The following CCDC178 variants were observed in gnomAD, a reference collection of about 807,000 sequenced individuals.
CCDC178 encodes the protein coiled-coil domain-containing protein 178.
Under a neutral mutation model 117.4 loss-of-function variants are expected in CCDC178, and 126 were observed. The observed-to-expected ratio is 1.07, with a 90% CI of 0.93 to 1.24. The LOEUF (loss-of-function observed/expected upper bound fraction) is 1.24, where lower values mean the gene tolerates loss of function less well. CCDC178 is among the 50% of genes most tolerant of loss of function. The pLI is 0.00. For synonymous variants in CCDC178, 283 were observed against 313.4 expected, an observed-to-expected ratio of 0.90 and a Z score of 1.02; for missense variants, 1,030 against 986.9, an observed-to-expected ratio of 1.04 and a Z score of -0.59.
intron 20 of CCDC178, among the ~76,000 whole-genome samples, chr18:33,118,917 G>C (rs2057896879): frequency 6.6e-6 from 1 of 152,068 alleles, no homozygotes; most frequent in African/African-American, 2.4e-5. Context: ...TGACAAACCT[G>C]ACAAAAACAA....
In CCDC178 at chr18:33,395,912, A is replaced by C. The variant is rs148149552; in HGVS notation, c.118+1237T>G. ...GAAGATGAATTGGACGAATATCTGC[A>C]TGACCTTGGACTAGGATTTCCTTGA... On this transcript the variant is annotated intron_variant, in intron 4 of 22. Coordinates refer to ENST00000383096, the MANE Select transcript of CCDC178 (RefSeq NM_001105528.4). Among the ~76,000 whole-genome samples the C allele has an allele frequency of 3.3e-3, 495 of 152,266 alleles. 7 individuals carry two copies. In the South Asian group the frequency reaches 0.047, roughly 14 times the overall value.
intron 20 of CCDC178, among the ~76,000 whole-genome samples, chr18:33,162,198 G>A (rs1487163246): frequency 6.6e-6 from 1 of 152,118 alleles, no homozygotes; most frequent in Non-Finnish European, 1.5e-5. Flanking sequence ...GAGGGGAGAG[G>A]GGAGGGATAG....
At position 32,938,088 on chromosome 18, in the gene CCDC178, C is replaced by T; in HGVS notation, c.2527G>A (p.Glu843Lys). Residue 843 changes from glutamate to lysine, a missense_variant, in exon 23 of 23, where the codon GAA (glutamate) becomes AAA (lysine). Glu to Lys is a moderately conservative substitution (Grantham distance 56). Coordinates refer to ENST00000383096, the MANE Select transcript of CCDC178 (RefSeq NM_001105528.4). Reference sequence around the variant, plus strand: ...ATGTGTTGCATTAAATTTGAAGATTCCTCCTGTTCAGAAGCAAGAAACAAA... The same window carrying T: ...ATGTGTTGCATTAAATTTGAAGATTTCTCCTGTTCAGAAGCAAGAAACAAA... Reference protein sequence around the residue: ...SIQKILAVQEESSNLMQHILG... With the variant: ...SIQKILAVQEKSSNLMQHILG... The T allele has an allele frequency of 1.9e-6, 3 of 1,611,406 alleles. No homozygotes were observed. The highest frequency in any genetic ancestry group is 2.5e-6 in the Non-Finnish European group (3 of 1,177,692).
rs566792249 is a variant in CCDC178, at chr18:33,203,465, A to G, written c.2238+8431T>C. Among the ~76,000 whole-genome samples the G allele has an allele frequency of 3.9e-5, 6 of 152,296 alleles. 1 individual carries two copies. The South Asian group carries it at 1.2e-3, about 32-fold the overall frequency. ...TATTGATATGCCTAGTAACTCGTTC[A>G]CAAGCCAAGATAATTTACATAGTCA... is the stretch of plus-strand genomic sequence containing the variant. On this transcript the variant is annotated intron_variant, in intron 20 of 22. Transcript: ENST00000383096.
At chr18:33,304,139 G>A (rs568312314) in intron 11 of CCDC178, among the ~76,000 whole-genome samples, 15 of 152,312 alleles carry the variant, frequency 9.8e-5, no homozygotes, top group Admixed American at 9.1e-4. Context: ...TGCATAAAAA[G>A]TATAACCAAA....
intron 21 of CCDC178, among the ~76,000 whole-genome samples, chr18:33,004,555 A>G (rs79663894): frequency 0.024 from 3,614 of 152,142 alleles, 58 homozygotes; most frequent in Admixed American, 0.037. Context: ...AGGACACTGG[A>G]CTGAAGATTT....
intron 21 of CCDC178, among the ~76,000 whole-genome samples, chr18:33,046,430 A>G (rs1472165667): frequency 6.6e-6 from 1 of 152,184 alleles, no homozygotes; most frequent in East Asian, 1.9e-4. Flanking sequence ...TGGCCTAGAG[A>G]GACAACTTCT....
At position 33,009,861 on chromosome 18, in the gene CCDC178, C is replaced by CA. The variant is rs1225308919; in HGVS notation, c.2389-35181dup. On this transcript the variant is annotated intron_variant, in intron 21 of 22. Coordinates refer to ENST00000383096, the MANE Select transcript of CCDC178 (RefSeq NM_001105528.4). ...TTTGAATGCTTATTTGAAAGGAATA[C>CA]AAAAAATGAGAATTGATGTATACTT... is the stretch of plus-strand genomic sequence containing the variant. Among the ~76,000 whole-genome samples, 5 of 152,018 alleles carry CA rather than the reference C, an allele frequency of 3.3e-5. No homozygotes were observed. In the East Asian group the frequency reaches 5.8e-4, roughly 18 times the overall value.
chr18:32,943,937 A>G (rs2054292902), intron 22 of CCDC178, among the ~76,000 whole-genome samples: 2 of 152,358 alleles, frequency 1.3e-5, no homozygotes, highest in South Asian at 4.1e-4. Flanking sequence ...CAAACCTTGT[A>G]TGGACATTGT....
At chr18:33,045,866 A>C (rs1184259934) in intron 21 of CCDC178, among the ~76,000 whole-genome samples, 1 of 152,122 alleles carries the variant, frequency 6.6e-6, no homozygotes, top group Non-Finnish European at 1.5e-5. Flanking sequence ...CAGGAGTTCG[A>C]GACCAGCCTG....
chr18:33,224,560 C>T (rs973737590), intron 17 of CCDC178, among the ~76,000 whole-genome samples: 1 of 152,066 alleles, frequency 6.6e-6, no homozygotes, highest in Non-Finnish European at 1.5e-5. Context: ...CCTGCTTTTC[C>T]CAAGTACCCT....
chr18:33,152,343 T>C (rs2058350684), intron 20 of CCDC178, among the ~76,000 whole-genome samples: 2 of 152,050 alleles, frequency 1.3e-5, no homozygotes, highest in Non-Finnish European at 2.9e-5. Context: ...TTTACAAAAA[T>C]GGTCATAATA....
intron 20 of CCDC178, among the ~76,000 whole-genome samples, chr18:33,163,213 T>C (rs271493): frequency 3.3e-5 from 5 of 152,088 alleles, no homozygotes; most frequent in African/African-American, 1.2e-4. Flanking sequence ...TCATATGCTT[T>C]TTGGCCACAT....
At chr18:33,350,755 G>A (rs1436326596) in intron 7 of CCDC178, among the ~76,000 whole-genome samples, 1 of 152,050 alleles carries the variant, frequency 6.6e-6, no homozygotes, top group Admixed American at 6.6e-5. Context: ...GTTTTTGTTT[G>A]AACATGTTTT....
chr18:33,219,106 T>C (rs1297573854), intron 18 of CCDC178, among the ~76,000 whole-genome samples: 1 of 152,170 alleles, frequency 6.6e-6, no homozygotes, highest in Admixed American at 6.5e-5. Flanking sequence ...CTTCCATTTA[T>C]TGTGTCCTCT....
At chr18:33,178,679 A>G (rs2058692222) in intron 20 of CCDC178, among the ~76,000 whole-genome samples, 2 of 152,102 alleles carry the variant, frequency 1.3e-5, no homozygotes, top group Admixed American at 1.3e-4. Flanking sequence ...GAGATAAACC[A>G]TGTTTTCAAT....
chr18:33,094,501 C>G (rs1219766936), intron 20 of CCDC178, among the ~76,000 whole-genome samples: 1 of 151,752 alleles, frequency 6.6e-6, no homozygotes, highest in Non-Finnish European at 1.5e-5. Flanking sequence ...TTGATTAAAT[C>G]TAAGCACAAC....
chr18:33,149,523 C>T (rs2058315537), intron 20 of CCDC178, among the ~76,000 whole-genome samples: 6 of 152,198 alleles, frequency 3.9e-5, no homozygotes, highest in Admixed American at 3.3e-4. Flanking sequence ...AATTTGTCAT[C>T]TACCAACACT....
At chr18:33,217,501 C>A (rs2059180690) in intron 18 of CCDC178, among the ~76,000 whole-genome samples, 1 of 151,476 alleles carries the variant, frequency 6.6e-6, no homozygotes, top group Non-Finnish European at 1.5e-5. Context: ...TTCTTCTTTG[C>A]CCTTAATAAA....
Sources: allele counts gnomAD v4.1 joint callset (sites outside exome capture counted in the v4.1 genomes callset), GRCh38; gene constraint gnomAD v4.1.1; transcripts MANE v1.5; gene names NCBI Gene and HGNC (gene_info 2026-07-23, HGNC 2026-07-21).